The following DNAAF19 variants were observed in gnomAD, a reference collection of about 807,000 sequenced individuals.
The protein encoded by DNAAF19 is coiled-coil domain containing 103.
At chr17:44,901,885 G>A in the DNAAF19 span, among the ~76,000 whole-genome samples, 9 of 152,140 alleles carry the variant, frequency 5.9e-5, no homozygotes, top group Non-Finnish European at 1.2e-4. Flanking sequence ...AGTTGGGCTA[G>A]GAAGGTCGGC....
the DNAAF19 span, chr17:44,903,610 C>A: frequency 7.1e-7 from 1 of 1,405,738 alleles, no homozygotes; most frequent in South Asian, 1.7e-5. Flanking sequence ...CCCCCCCACC[C>A]TGAGATCAGG....
chr17:44,904,412 C>A, the DNAAF19 span: 2 of 1,542,432 alleles, frequency 1.3e-6, no homozygotes, highest in African/African-American at 2.7e-5. Context: ...CCTCTGCTAC[C>A]TGCAGAGCCC....
the DNAAF19 span, chr17:44,903,916 G>A: frequency 1.9e-6 from 3 of 1,550,586 alleles, no homozygotes; most frequent in Non-Finnish European, 2.6e-6. Flanking sequence ...TTTTTCAGAG[G>A]ACCCCCTGCC....
chr17:44,905,213 T>A, the DNAAF19 span: 1 of 673,936 alleles, frequency 1.5e-6, no homozygotes, highest in Non-Finnish European at 2.6e-6. Flanking sequence ...CCCATTTTCA[T>A]GGGCAGGTCT....
the DNAAF19 span, chr17:44,903,125 A>T: frequency 7.8e-7 from 1 of 1,284,936 alleles, no homozygotes. Flanking sequence ...GTGCCCAACC[A>T]AATGCTGGCT....
At chr17:44,901,735 G>A in the DNAAF19 span, 1 of 1,525,842 alleles carries the variant, frequency 6.6e-7, no homozygotes, top group Non-Finnish European at 8.9e-7. Context: ...GTTTTGTTTT[G>A]TTTTGTTTTT....
the DNAAF19 span, chr17:44,904,737 A>G: frequency 6.4e-7 from 1 of 1,550,548 alleles, no homozygotes; most frequent in Non-Finnish European, 8.7e-7. Context: ...TGGGACAAAG[A>G]CCGCCAGCAC....
chr17:44,902,701 A>G, the DNAAF19 span: 1 of 1,613,874 alleles, frequency 6.2e-7, no homozygotes, highest in Admixed American at 1.7e-5. Flanking sequence ...GGGCAACCCC[A>G]GATCCGTGAA....
the DNAAF19 span, among the ~76,000 whole-genome samples, chr17:44,900,566 C>T: frequency 1.9e-3 from 292 of 152,262 alleles, no homozygotes; most frequent in African/African-American, 6.7e-3. Context: ...TATCCCCGAG[C>T]TCAAGGGTAA....
chr17:44,900,965 A>C, the DNAAF19 span: 1 of 1,573,560 alleles, frequency 6.4e-7, no homozygotes, highest in Non-Finnish European at 8.6e-7. Flanking sequence ...CTGTCCACTG[A>C]CATGTATTCC....
chr17:44,902,488 C>T, the DNAAF19 span: 2 of 1,614,254 alleles, frequency 1.2e-6, no homozygotes, highest in Non-Finnish European at 1.7e-6. Context: ...GCTCGGCTGC[C>T]TCTTCCAGAC....
chr17:44,902,339 C>G, the DNAAF19 span: 3 of 1,613,950 alleles, frequency 1.9e-6, no homozygotes, highest in African/African-American at 4.0e-5. Flanking sequence ...GAGCTCCTGA[C>G]TCCCTTTCCT....
the DNAAF19 span, chr17:44,901,656 G>T: frequency 1.2e-6 from 2 of 1,614,014 alleles, no homozygotes; most frequent in Non-Finnish European, 1.7e-6. Context: ...CTCCCCGGTA[G>T]GTGAGGCCCT....
the DNAAF19 span, chr17:44,904,444 C>G: frequency 6.5e-7 from 1 of 1,542,484 alleles, no homozygotes; most frequent in African/African-American, 1.4e-5. Context: ...CACGCTACCT[C>G]AAGGCCGTGC....
chr17:44,904,395 G>A, the DNAAF19 span: 22 of 1,542,032 alleles, frequency 1.4e-5, no homozygotes, highest in East Asian at 7.4e-5. Context: ...GAGCAGTGGC[G>A]CATCGGCCTC....
At chr17:44,902,375 C>G in the DNAAF19 span, 1 of 1,614,210 alleles carries the variant, frequency 6.2e-7, no homozygotes, top group Non-Finnish European at 8.5e-7. Flanking sequence ...GAGAAAGCCC[C>G]CCTCCAGCCC....
the DNAAF19 span, chr17:44,902,629 A>G: frequency 6.2e-7 from 1 of 1,614,034 alleles, no homozygotes; most frequent in Non-Finnish European, 8.5e-7. Flanking sequence ...CCTGAACCTA[A>G]GCCTGCTGAG....
chr17:44,904,111 T>C, the DNAAF19 span: 1 of 1,550,534 alleles, frequency 6.4e-7, no homozygotes, highest in South Asian at 1.2e-5. Context: ...CCCAGGTACG[T>C]GTGGGCAGCG....
chr17:44,901,868 G>T, the DNAAF19 span, among the ~76,000 whole-genome samples: 2 of 152,142 alleles, frequency 1.3e-5, no homozygotes, highest in African/African-American at 2.4e-5. Context: ...GGCAGAATGA[G>T]TCAGAAAGTT....
Sources: allele counts gnomAD v4.1 joint callset (sites outside exome capture counted in the v4.1 genomes callset), GRCh38; gene constraint gnomAD v4.1.1; transcripts MANE v1.5; gene names NCBI Gene and HGNC (gene_info 2026-07-23, HGNC 2026-07-21).